GALNT13: variants seen among roughly 807,000 people sequenced by gnomAD.
The protein encoded by GALNT13 is polypeptide N-acetylgalactosaminyltransferase 13.
Under a neutral mutation model 64.2 loss-of-function variants are expected in GALNT13, and 28 were observed. The observed-to-expected ratio is 0.44, with a 90% CI of 0.32 to 0.60. The LOEUF is 0.60. GALNT13 is among the 20% of genes least tolerant of loss of function. The probability of loss-of-function intolerance (pLI) is 0.05; values close to 1 mark genes in which losing one functional copy is unlikely to be tolerated. For missense variants in GALNT13, 577 were observed against 669.8 expected (o/e 0.86, Z 1.53); for synonymous variants, 214 against 224.6 (o/e 0.95, Z 0.42).
the GALNT13 span, among the ~76,000 whole-genome samples, chr2:153,719,303 C>T: frequency 6.6e-6 from 1 of 152,176 alleles, no homozygotes; most frequent in African/African-American, 2.4e-5. Flanking sequence ...CCCTCTAACT[C>T]ACTAAATTGT....
At chr2:153,450,944 T>C in the GALNT13 span, among the ~76,000 whole-genome samples, 2 of 152,178 alleles carry the variant, frequency 1.3e-5, no homozygotes, top group Admixed American at 6.5e-5. Context: ...ACCTATCTAA[T>C]GTCTCACAGA....
intron 1 of GALNT13, among the ~76,000 whole-genome samples, chr2:153,883,034 A>G (rs909095670): frequency 2.0e-5 from 3 of 147,574 alleles, no homozygotes; most frequent in Admixed American, 6.8e-5. Context: ...AATATATGTT[A>G]TTTTTATATA....
chr2:153,859,011 G>A, the GALNT13 span, among the ~76,000 whole-genome samples: 2 of 152,188 alleles, frequency 1.3e-5, no homozygotes, highest in Non-Finnish European at 2.9e-5. Context: ...TGGGATTACA[G>A]GCATGAGCCA....
chr2:153,209,011 C>T, the GALNT13 span, among the ~76,000 whole-genome samples: 25 of 90,996 alleles, frequency 2.7e-4, no homozygotes, highest in South Asian at 3.5e-3. Context: ...CGGAGTCTTG[C>T]GTTTTCACCC....
rs78471051 is a variant in GALNT13, at chr2:154,162,927, C to T, written c.311+22422C>T. Among the ~76,000 whole-genome samples the T allele has an allele frequency of 8.6e-5, 13 of 151,638 alleles. No homozygotes were observed. The East Asian group carries it at 2.3e-3, about 27-fold the overall frequency. The stretch of plus-strand genomic sequence containing the variant: ...TTCCAAAGTCACTTATGAAAAAGAA[C>T]AAAACTCTGTCTCAACCCACATTCT... On this transcript the variant is annotated intron_variant, in intron 4 of 12. Transcript: ENST00000392825.
At chr2:154,118,115 G>A (rs1473480973) in intron 3 of GALNT13, among the ~76,000 whole-genome samples, 1 of 152,042 alleles carries the variant, frequency 6.6e-6, no homozygotes, top group Non-Finnish European at 1.5e-5. Flanking sequence ...GGGCATTGAA[G>A]TCCCACCTTG....
the GALNT13 span, among the ~76,000 whole-genome samples, chr2:153,072,994 G>T: frequency 1.3e-5 from 2 of 152,176 alleles, no homozygotes; most frequent in Non-Finnish European, 2.9e-5. Flanking sequence ...AAGGACTGGC[G>T]GTTTCACAGC....
the GALNT13 span, among the ~76,000 whole-genome samples, chr2:153,416,409 C>A: frequency 6.6e-6 from 1 of 152,138 alleles, no homozygotes; most frequent in African/African-American, 2.4e-5. Flanking sequence ...ATCTTTATCC[C>A]AATGACACAA....
In GALNT13 at chr2:154,301,582, A is replaced by C; in HGVS notation, c.1149A>C (p.Ile383=). 1.2e-6 allele frequency: 2 copies of C among 1,605,052 alleles called. No homozygotes were observed. The highest frequency in any genetic ancestry group is 1.7e-6 in the Non-Finnish European group (2 of 1,172,354). The change falls in exon 9 of 13, where the codon ATA becomes ATC. Residue 383 remains isoleucine, a synonymous_variant. Transcript: ENST00000392825. The stretch of plus-strand genomic sequence containing the variant: ...AATTTAAAGATTTCTTCTACATCAT[A>C]TCCCCAGGTACACAATTCTGACATT... ...MDEFKDFFYI[I]SPGVVKVDYG...
At chr2:153,579,721 G>A in the GALNT13 span, among the ~76,000 whole-genome samples, 7 of 152,030 alleles carry the variant, frequency 4.6e-5, no homozygotes, top group East Asian at 1.9e-4. Context: ...AGGTGTTACC[G>A]CCTGAGCTCC....
the GALNT13 span, among the ~76,000 whole-genome samples, chr2:153,440,685 A>G: frequency 6.6e-6 from 1 of 152,124 alleles, no homozygotes; most frequent in Admixed American, 6.5e-5. Flanking sequence ...TTTGATTTGC[A>G]GTTATCTAAT....
Position 154,255,621 on chromosome 2 carries a change from G to A in GALNT13, c.858-3400G>A, listed in dbSNP as rs149940631. 6.6e-3 allele frequency among the ~76,000 whole-genome samples: 1,009 copies of A among 152,248 alleles called. 11 individuals are homozygous for A. The highest frequency in any genetic ancestry group is 0.023 in the African/African-American group (964 of 41,532). ...TATTCTTTTTTATGAGACAAGAGGA[G>A]AGAGGAGGCCATGAGGAAGACACAT... On this transcript the variant is annotated intron_variant, in intron 7 of 12. Transcript: ENST00000392825.
intron 9 of GALNT13, among the ~76,000 whole-genome samples, chr2:154,310,480 T>C (rs755358802): frequency 6.6e-6 from 1 of 152,222 alleles, no homozygotes; most frequent in Non-Finnish European, 1.5e-5. Flanking sequence ...CCTTTACTTC[T>C]ACCTTAATAT....
chr2:153,750,905 G>GT, the GALNT13 span, among the ~76,000 whole-genome samples: 16 of 151,584 alleles, frequency 1.1e-4, no homozygotes, highest in Non-Finnish European at 1.6e-4. Context: ...AGAATTAGGT[G>GT]TTTTTTGAAG....
Position 154,451,840 on chromosome 2 carries a change from C to G in GALNT13, c.*1289C>G, listed in dbSNP as rs1408553794. On this transcript the variant is annotated 3_prime_UTR_variant, in exon 13 of 13. Transcript: ENST00000392825. ...AGTTGCCCTATATATGCATGTTATCCATTATAAATGCACTCAGCAGCTAAG... is the reference window on the plus strand; with the variant it reads ...AGTTGCCCTATATATGCATGTTATCGATTATAAATGCACTCAGCAGCTAAG... The G allele has an allele frequency of 1.3e-5, 2 of 151,940 alleles. No homozygotes were observed. The highest frequency in any genetic ancestry group is 4.8e-5 in the African/African-American group (2 of 41,374). 9.4% of individuals were successfully genotyped at this position (151,940 alleles called of 1,614,324 possible). A position where few individuals can be genotyped will look rare whatever the true frequency, so the allele number is the denominator to read the frequency against.
chr2:154,133,094 C>T (rs1167136035), intron 3 of GALNT13, among the ~76,000 whole-genome samples: 1 of 152,032 alleles, frequency 6.6e-6, no homozygotes, highest in African/African-American at 2.4e-5. Flanking sequence ...TCCATCTAAA[C>T]TAAACGGTGA....
the GALNT13 span, among the ~76,000 whole-genome samples, chr2:153,590,865 T>A: frequency 6.6e-6 from 1 of 152,108 alleles, no homozygotes; most frequent in African/African-American, 2.4e-5. Context: ...AATATAACAC[T>A]GAATGGAGAA....
chr2:154,287,252 G>A lies in GALNT13; in HGVS notation c.976-14157G>A, dbSNP rs114243335. The A allele has an allele frequency of 2.9e-3, 2,630 of 908,902 alleles. 15 individuals carry two copies. The highest frequency in any genetic ancestry group is 4.2e-3 in the Non-Finnish European group (2,334 of 556,784). 56.3% of individuals were successfully genotyped at this position (908,902 alleles called of 1,614,324 possible). Reference sequence around the variant, plus strand: ...GAAGAAGGCAGCCATCATCTTTGCCGACGGCAACTCCAAGACAGCAGAGCT... The same window carrying A: ...GAAGAAGGCAGCCATCATCTTTGCCAACGGCAACTCCAAGACAGCAGAGCT... On this transcript the variant is annotated intron_variant, in intron 8 of 12. Coordinates refer to ENST00000392825, the MANE Select transcript of GALNT13 (RefSeq NM_052917.4).
At chr2:153,438,184 C>T in the GALNT13 span, among the ~76,000 whole-genome samples, 1 of 152,024 alleles carries the variant, frequency 6.6e-6, no homozygotes, top group Non-Finnish European at 1.5e-5. Context: ...AGAGTTTCTG[C>T]TGAGAGATCA....
Sources: allele counts gnomAD v4.1 joint callset (sites outside exome capture counted in the v4.1 genomes callset), GRCh38; gene constraint gnomAD v4.1.1; transcripts MANE v1.5; gene names NCBI Gene and HGNC (gene_info 2026-07-23, HGNC 2026-07-21).